Variants in FRMPD4 observed in about 807,000 individuals in gnomAD.
FRMPD4 encodes FERM and PDZ domain containing 4, also known as FERM and PDZ domain-containing protein 4.
A neutral mutation model predicts 94.1 loss-of-function variants in FRMPD4; 22 were observed. The observed-to-expected ratio is 0.23, with a 90% CI of 0.17 to 0.33. FRMPD4 has a LOEUF of 0.33. FRMPD4 is among the 10% of genes least tolerant of loss of function. The pLI is 1.00. For missense variants in FRMPD4, 1,111 were observed against 1,339.9 expected (o/e 0.83, Z 2.67); for synonymous variants, 631 against 548.6 (o/e 1.15, Z -2.10).
chrX:12,083,405 T>C (rs2055078018), intron 3 of FRMPD4, among the ~76,000 whole-genome samples: 1 of 112,667 alleles, frequency 8.9e-6, no homozygotes, highest in South Asian at 3.6e-4. Context: ...AGAAGATGTA[T>C]GGAAATGCCT....
intron 3 of FRMPD4, among the ~76,000 whole-genome samples, chrX:12,047,618 A>G (rs2054792994): frequency 9.0e-6 from 1 of 111,720 alleles, no homozygotes; most frequent in Admixed American, 9.5e-5. Flanking sequence ...TAGTGAGCAT[A>G]GTACCAACAG....
chrX:12,160,857 A>G (rs1031675738), intron 1 of FRMPD4, among the ~76,000 whole-genome samples: 1 of 111,098 alleles, frequency 9.0e-6, no homozygotes, highest in Non-Finnish European at 1.9e-5. Context: ...GGTAATAGCA[A>G]TGCTCTTTGT....
chrX:12,343,163 T>C (rs2055643825), intron 1 of FRMPD4, among the ~76,000 whole-genome samples: 1 of 111,755 alleles, frequency 8.9e-6, no homozygotes, highest in Non-Finnish European at 1.9e-5. Context: ...GACACCAGGA[T>C]GGTAGCAGTG....
At chrX:12,669,569 C>T (rs996279395) in intron 4 of FRMPD4, among the ~76,000 whole-genome samples, 1 of 112,041 alleles carries the variant, frequency 8.9e-6, no homozygotes, top group African/African-American at 3.2e-5. Flanking sequence ...GAATAATGAT[C>T]GCCTGAAAAA....
intron 3 of FRMPD4, among the ~76,000 whole-genome samples, chrX:12,077,970 A>G (rs1322112725): frequency 2.7e-5 from 3 of 112,087 alleles, no homozygotes; most frequent in Non-Finnish European, 3.8e-5. Flanking sequence ...CAGCTTAGCT[A>G]GGTCCTCTGC....
chrX:11,948,713 A>G (rs756295994), intron 3 of FRMPD4, among the ~76,000 whole-genome samples: 1 of 111,872 alleles, frequency 8.9e-6, no homozygotes, highest in Non-Finnish European at 1.9e-5. Flanking sequence ...TTTGAAAAAA[A>G]GGTCCTGTGG....
chrX:12,049,441 G>GTT (rs2054804157), intron 3 of FRMPD4, among the ~76,000 whole-genome samples: 1 of 111,059 alleles, frequency 9.0e-6, no homozygotes, highest in African/African-American at 3.3e-5. Context: ...GAGAGAAATG[G>GTT]TTTTTCTTCT....
intron 2 of FRMPD4, among the ~76,000 whole-genome samples, chrX:12,511,612 A>C (rs1246196794): frequency 1.8e-5 from 2 of 111,929 alleles, no homozygotes; most frequent in Admixed American, 9.5e-5. Flanking sequence ...CAGAGGATTA[A>C]AAAGAAAAAA....
intron 2 of FRMPD4, among the ~76,000 whole-genome samples, chrX:11,877,800 C>T (rs1474313258): frequency 8.9e-6 from 1 of 111,994 alleles, no homozygotes; most frequent in Non-Finnish European, 1.9e-5. Context: ...TTCCTCCTCT[C>T]CTTCCTCTCT....
At chrX:11,848,813 C>T (rs5979479) in intron 1 of FRMPD4, among the ~76,000 whole-genome samples, 44,778 of 109,975 alleles carry the variant, frequency 0.41, 7,242 homozygotes, top group African/African-American at 0.59. Flanking sequence ...GTCACCATTT[C>T]AACTGACTAT....
intron 1 of FRMPD4, among the ~76,000 whole-genome samples, chrX:12,208,775 A>G (rs1021932715): frequency 8.9e-6 from 1 of 111,900 alleles, no homozygotes; most frequent in Non-Finnish European, 1.9e-5. Flanking sequence ...CAGTTAAGCT[A>G]TTCTGCCCTC....
chrX:12,426,026 A>C (rs892255274), intron 1 of FRMPD4, among the ~76,000 whole-genome samples: 5 of 112,159 alleles, frequency 4.5e-5, no homozygotes, highest in African/African-American at 1.6e-4. Flanking sequence ...ATATATACTA[A>C]ACCATTAAAA....
intron 3 of FRMPD4, among the ~76,000 whole-genome samples, chrX:12,046,479 C>T (rs2054786038): frequency 9.0e-6 from 1 of 111,097 alleles, no homozygotes; most frequent in South Asian, 3.9e-4. Context: ...AGGGCTCATT[C>T]CCCAAGACTG....
At chrX:12,616,750 C>G (rs550537391) in intron 4 of FRMPD4, among the ~76,000 whole-genome samples, 4 of 112,501 alleles carry the variant, frequency 3.6e-5, no homozygotes, top group African/African-American at 1.3e-4. Context: ...CAGGGGCATA[C>G]CTTATCTAGG....
intron 3 of FRMPD4, among the ~76,000 whole-genome samples, chrX:12,128,272 A>C (rs779606031): frequency 1.8e-5 from 2 of 112,991 alleles, no homozygotes; most frequent in African/African-American, 6.4e-5. Context: ...AGAAGTTCCC[A>C]AACCTCAGTT....
At chrX:12,033,587 A>G (rs1385720465) in intron 3 of FRMPD4, among the ~76,000 whole-genome samples, 1 of 112,059 alleles carries the variant, frequency 8.9e-6, no homozygotes, top group East Asian at 2.8e-4. Context: ...AAACATCTTC[A>G]TGGAATAAAG....
intron 1 of FRMPD4, among the ~76,000 whole-genome samples, chrX:12,396,967 T>G (rs2148047139): frequency 8.9e-6 from 1 of 111,985 alleles, no homozygotes; most frequent in Admixed American, 9.5e-5. Flanking sequence ...GTTCATAAAC[T>G]GATCAAGAAT....
chrX:12,253,171 T>A (rs1348025122), intron 1 of FRMPD4, among the ~76,000 whole-genome samples: 3 of 112,010 alleles, frequency 2.7e-5, no homozygotes. Context: ...AGACATAGAC[T>A]TACTGCCAGT....
intron 1 of FRMPD4, among the ~76,000 whole-genome samples, chrX:12,423,442 T>A (rs976201128): frequency 9.0e-6 from 1 of 111,147 alleles, no homozygotes; most frequent in Admixed American, 9.6e-5. Flanking sequence ...GGAAAACAAA[T>A]GAGTGCTTCT....
Sources: gnomAD v4.1 joint callset for allele counts (sites outside exome capture counted in the v4.1 genomes callset) on GRCh38, gnomAD v4.1.1 for gene constraint, MANE v1.5 for transcripts, NCBI Gene and HGNC (gene_info 2026-07-23, HGNC 2026-07-21) for gene names.